The following SLC14A2 variants were observed in gnomAD, a reference collection of about 807,000 sequenced individuals.
The protein encoded by SLC14A2 is solute carrier family 14 member 2, also known as urea transporter 2.
In SLC14A2, 91 loss-of-function variants were observed where a neutral mutation model predicts 104.6. That is an observed-to-expected ratio of 0.87 (90% CI 0.73 to 1.04). The LOEUF is 1.04. SLC14A2 is among the 50% of genes least tolerant of loss of function. SLC14A2 has a pLI of 0.00. For missense variants in SLC14A2, 1,189 were observed against 1,156.0 expected (o/e 1.03, Z -0.41); for synonymous variants, 476 against 466.4 (o/e 1.02, Z -0.27).
At chr18:45,450,632 G>A (rs1422920353) in intron 1 of SLC14A2, among the ~76,000 whole-genome samples, 1 of 152,136 alleles carries the variant, frequency 6.6e-6, no homozygotes, top group African/African-American at 2.4e-5. Context: ...CACTGCAGGG[G>A]ATAACATCAC....
At chr18:45,554,070 A>G (rs1160298842) in intron 2 of SLC14A2, among the ~76,000 whole-genome samples, 2 of 152,270 alleles carry the variant, frequency 1.3e-5, no homozygotes, top group Non-Finnish European at 2.9e-5. Flanking sequence ...TTGAAGGTCA[A>G]GAGCATTACA....
At chr18:45,451,142 G>A (rs1783173430) in intron 1 of SLC14A2, among the ~76,000 whole-genome samples, 1 of 152,210 alleles carries the variant, frequency 6.6e-6, no homozygotes, top group Non-Finnish European at 1.5e-5. Context: ...TTCAAGCACA[G>A]AGAGGTCAAT....
chr18:45,491,873 G>C (rs765625247), intron 2 of SLC14A2, among the ~76,000 whole-genome samples: 1 of 152,230 alleles, frequency 6.6e-6, no homozygotes, highest in Non-Finnish European at 1.5e-5. Flanking sequence ...GTCCCAGCCA[G>C]CACCAGCTCT....
chr18:45,475,647 AT>A, intron 1 of SLC14A2, among the ~76,000 whole-genome samples: 1 of 9,144 alleles, frequency 1.1e-4, no homozygotes, highest in Non-Finnish European at 2.0e-4. Context: ...TTTAGGATAT[AT>A]ATATATATAT....
At chr18:45,427,851 C>T (rs2086457105) in intron 1 of SLC14A2, among the ~76,000 whole-genome samples, 2 of 152,114 alleles carry the variant, frequency 1.3e-5, no homozygotes, top group Admixed American at 1.3e-4. Context: ...GCTTTGGCTG[C>T]CAATGATGTG....
At chr18:45,431,465 AT>A (rs1247776858) in intron 1 of SLC14A2, among the ~76,000 whole-genome samples, 1 of 152,198 alleles carries the variant, frequency 6.6e-6, no homozygotes. Context: ...AGTAAATATT[AT>A]TTTTTTAAAA....
chr18:45,358,555 C>T (rs2085578207), intron 1 of SLC14A2, among the ~76,000 whole-genome samples: 2 of 152,242 alleles, frequency 1.3e-5, no homozygotes, highest in Admixed American at 1.3e-4. Context: ...TAAAACTCGA[C>T]TTACTTCAAG....
chr18:45,247,628 C>A (rs2084379797), intron 1 of SLC14A2, among the ~76,000 whole-genome samples: 1 of 151,974 alleles, frequency 6.6e-6, no homozygotes, highest in South Asian at 2.1e-4. Context: ...ACAGATCTCA[C>A]CCCCTGAACA....
chr18:45,421,022 A>G (rs894252140), intron 1 of SLC14A2, among the ~76,000 whole-genome samples: 9 of 152,116 alleles, frequency 5.9e-5, no homozygotes, highest in Non-Finnish European at 5.9e-5. Context: ...TACAGACATG[A>G]GCCACCGCAC....
At chr18:45,603,402 G>T (rs2044819796) in intron 2 of SLC14A2, among the ~76,000 whole-genome samples, 1 of 152,004 alleles carries the variant, frequency 6.6e-6, no homozygotes, top group South Asian at 2.1e-4. Context: ...ACAAGCAGAT[G>T]ACAGAGTCAC....
chr18:45,675,584 G>A (rs938449389), intron 18 of SLC14A2, among the ~76,000 whole-genome samples: 5 of 150,772 alleles, frequency 3.3e-5, no homozygotes, highest in Admixed American at 6.6e-5. Context: ...GCATGATCAC[G>A]GCTCACTGCA....
chr18:45,286,726 G>A (rs2084818527), intron 1 of SLC14A2, among the ~76,000 whole-genome samples: 1 of 152,002 alleles, frequency 6.6e-6, no homozygotes, highest in South Asian at 2.1e-4. Flanking sequence ...ACTTGTGTGT[G>A]TGTGTGTGTG....
chr18:45,254,241 G>A lies in SLC14A2; in HGVS notation c.-125+41050G>A, dbSNP rs1205176423. ...CTCCAGCTCTACTAACTGGGTAAAT[G>A]GTCTGTTAACTGGGTAAATTGTCAT... is the stretch of plus-strand genomic sequence containing the variant. On this transcript the variant is annotated intron_variant, in intron 1 of 20. Coordinates refer to the SLC14A2 transcript ENST00000586448. 3.3e-5 allele frequency among the ~76,000 whole-genome samples: 5 copies of A among 152,162 alleles called. No individual in the cohort carries two copies. The East Asian group carries it at 7.7e-4, about 23-fold the overall frequency.
chr18:45,324,428 TCTAA>T (rs1388343029), intron 1 of SLC14A2, among the ~76,000 whole-genome samples: 2 of 152,126 alleles, frequency 1.3e-5, no homozygotes, highest in Admixed American at 6.5e-5. Context: ...CCCCAAGGAC[TCTAA>T]AAGCAAAGAA....
intron 1 of SLC14A2, among the ~76,000 whole-genome samples, chr18:45,273,319 G>T (rs1282890210): frequency 2.0e-5 from 3 of 152,096 alleles, no homozygotes; most frequent in Admixed American, 6.6e-5. Flanking sequence ...TAACTGCCTT[G>T]TTGGCTCTGA....
At chr18:45,191,896 A>AG in the SLC14A2 span, among the ~76,000 whole-genome samples, 1 of 152,216 alleles carries the variant, frequency 6.6e-6, no homozygotes, top group Non-Finnish European at 1.5e-5. Context: ...ATTCTGGACA[A>AG]GGGGTGTCCT....
chr18:45,633,452 A>G (rs1037683325), intron 5 of SLC14A2, among the ~76,000 whole-genome samples: 3 of 152,242 alleles, frequency 2.0e-5, no homozygotes, highest in Admixed American at 6.5e-5. Context: ...GAAGGTCACC[A>G]TGAAAGGGAG....
intron 2 of SLC14A2, chr18:45,542,142 A>G (rs1227346863): frequency 7.0e-6 from 1 of 143,074 alleles, no homozygotes; most frequent in Non-Finnish European, 1.5e-5. Flanking sequence ...TGCCTGAAAT[A>G]GCCTCTAGCA....
At chr18:45,474,501 C>T (rs1435695239) in intron 1 of SLC14A2, among the ~76,000 whole-genome samples, 11 of 152,096 alleles carry the variant, frequency 7.2e-5, no homozygotes, top group South Asian at 2.1e-4. Flanking sequence ...TGAATCCATC[C>T]GGTCCTGGGC....
Sources: gnomAD v4.1 joint callset for allele counts (sites outside exome capture counted in the v4.1 genomes callset) on GRCh38, gnomAD v4.1.1 for gene constraint, MANE v1.5 for transcripts, NCBI Gene and HGNC (gene_info 2026-07-23, HGNC 2026-07-21) for gene names.